The following AFF3 variants were observed in gnomAD, a reference collection of about 807,000 sequenced individuals.
The protein encoded by AFF3 is ALF transcription elongation factor 3, also known as AF4/FMR2 family member 3.
A neutral mutation model predicts 129.7 loss-of-function variants in AFF3; 32 were observed. The observed-to-expected ratio is 0.25, with a 90% confidence interval of 0.19 to 0.33. AFF3 has a LOEUF of 0.33. Among genes scored for constraint, AFF3 ranks in the 10% least tolerant of loss-of-function variants. The pLI is 1.00. For missense variants in AFF3, 1,373 were observed against 1,592.0 expected (o/e 0.86, Z 2.34); for synonymous variants, 644 against 635.4 (o/e 1.01, Z -0.20).
chr2:99,940,586 A>G (rs1022603249), intron 7 of AFF3, among the ~76,000 whole-genome samples: 16 of 152,196 alleles, frequency 1.1e-4, no homozygotes, highest in African/African-American at 3.6e-4. Context: ...ATGCCATGGC[A>G]ATGTCAGGAA....
chr2:100,107,650 T>A, intron 2 of AFF3: 1 of 364,820 alleles, frequency 2.7e-6, no homozygotes, highest in Non-Finnish European at 3.8e-6. Flanking sequence ...GGGAAGCTGC[T>A]AAATGAGAGG....
chr2:100,051,550 G>A (rs994983864), intron 4 of AFF3, among the ~76,000 whole-genome samples: 7 of 152,132 alleles, frequency 4.6e-5, no homozygotes, highest in African/African-American at 1.7e-4. Flanking sequence ...GATTAGACAG[G>A]AGCATCTTGC....
intron 7 of AFF3, among the ~76,000 whole-genome samples, chr2:99,979,167 T>C (rs1202386681): frequency 6.6e-6 from 1 of 152,144 alleles, no homozygotes; most frequent in Non-Finnish European, 1.5e-5. Context: ...TAAGTTGTTC[T>C]TGTATCGTGC....
At chr2:100,136,671 A>G (rs62150271) in intron 1 of AFF3, among the ~76,000 whole-genome samples, 1,644 of 152,190 alleles carry the variant, frequency 0.011, 14 homozygotes, top group Middle Eastern at 0.02. Flanking sequence ...CAAGTAGCAC[A>G]CTTCCTCTTT....
intron 4 of AFF3, among the ~76,000 whole-genome samples, chr2:100,020,209 G>A (rs1225015405): frequency 6.6e-6 from 1 of 151,936 alleles, no homozygotes; most frequent in Admixed American, 6.6e-5. Context: ...CCCTTGGCTA[G>A]CACTGCCCTT....
At chr2:99,783,059 C>T (rs1684523575) in intron 8 of AFF3, among the ~76,000 whole-genome samples, 1 of 152,148 alleles carries the variant, frequency 6.6e-6, no homozygotes, top group Non-Finnish European at 1.5e-5. Flanking sequence ...ATCTTTTCTT[C>T]GCATATCTTT....
intron 7 of AFF3, among the ~76,000 whole-genome samples, chr2:99,943,269 C>A (rs185982454): frequency 6.6e-6 from 1 of 152,284 alleles, no homozygotes; most frequent in Non-Finnish European, 1.5e-5. Flanking sequence ...TAAGCTGGTC[C>A]CATGCGAGGG....
intron 7 of AFF3, among the ~76,000 whole-genome samples, chr2:99,936,045 A>C (rs187677435): frequency 6.7e-6 from 1 of 148,892 alleles, no homozygotes; most frequent in East Asian, 1.9e-4. Context: ...TCAAACATAA[A>C]TCTTTAAAAA....
chr2:99,588,056 C>T (rs1678306117), intron 15 of AFF3, among the ~76,000 whole-genome samples: 1 of 151,630 alleles, frequency 6.6e-6, no homozygotes, highest in Non-Finnish European at 1.5e-5. Flanking sequence ...CAAGCAGAAG[C>T]TATTATCTCT....
At chr2:99,566,252 GT>G (rs61010874) in intron 19 of AFF3, among the ~76,000 whole-genome samples, 79 of 138,008 alleles carry the variant, frequency 5.7e-4, no homozygotes, top group Admixed American at 5.8e-4. Flanking sequence ...GGCCTCAATT[GT>G]TTTTTTTTTT....
chr2:99,568,958 G>T lies in AFF3; in HGVS notation c.2919-43C>A, dbSNP rs571310030. 4.0e-5 allele frequency: 62 copies of T among 1,545,348 alleles called. No homozygotes were observed. The South Asian group carries it at 6.6e-4, about 16-fold the overall frequency. ...TATTAAACGTCATTATGGCTTAAGT[G>T]CAACGTCTTTTTAAAATATTCCTTC... is the stretch of plus-strand genomic sequence containing the variant. On this transcript the variant is annotated intron_variant, in intron 18 of 24. Coordinates refer to ENST00000672756, the MANE Select transcript of AFF3 (RefSeq NM_001386135.1).
intron 13 of AFF3, among the ~76,000 whole-genome samples, chr2:99,643,952 G>T (rs1684454026): frequency 2.0e-5 from 3 of 152,218 alleles, no homozygotes; most frequent in South Asian, 4.1e-4. Flanking sequence ...TGTAAGCCTT[G>T]TGAGTCCTTT....
At chr2:99,976,981 G>T (rs1035391439) in intron 7 of AFF3, among the ~76,000 whole-genome samples, 1 of 152,102 alleles carries the variant, frequency 6.6e-6, no homozygotes, top group Non-Finnish European at 1.5e-5. Flanking sequence ...GAGGATGATT[G>T]CCAAAGAAAA....
intron 12 of AFF3, among the ~76,000 whole-genome samples, chr2:99,661,996 T>A (rs181565405): frequency 7.5e-4 from 114 of 152,164 alleles, no homozygotes; most frequent in African/African-American, 2.6e-3. Flanking sequence ...AAAAAATAGC[T>A]GGGCATGGTG....
intron 12 of AFF3, among the ~76,000 whole-genome samples, chr2:99,657,563 A>T (rs566766884): frequency 1.3e-5 from 2 of 152,356 alleles, no homozygotes; most frequent in South Asian, 4.1e-4. Context: ...GGGATGACAA[A>T]TACTACTGTT....
At chr2:99,767,283 C>G (rs533925933) in intron 8 of AFF3, among the ~76,000 whole-genome samples, 1 of 152,156 alleles carries the variant, frequency 6.6e-6, no homozygotes, top group Non-Finnish European at 1.5e-5. Flanking sequence ...GATCTATATT[C>G]GAACAGTTGC....
chr2:99,748,700 C>T (rs1681375888), intron 9 of AFF3, among the ~76,000 whole-genome samples: 1 of 152,106 alleles, frequency 6.6e-6, no homozygotes, highest in Admixed American at 6.5e-5. Context: ...TGTCATACTT[C>T]CATTACAGTA....
intron 12 of AFF3, among the ~76,000 whole-genome samples, chr2:99,653,220 G>GC (rs1685435911): frequency 6.6e-6 from 1 of 152,158 alleles, no homozygotes; most frequent in East Asian, 1.9e-4. Flanking sequence ...TTTTTGAACT[G>GC]CCCCAAAGAA....
intron 7 of AFF3, among the ~76,000 whole-genome samples, chr2:99,998,744 A>G (rs1365862304): frequency 1.3e-5 from 2 of 152,206 alleles, no homozygotes; most frequent in African/African-American, 4.8e-5. Flanking sequence ...TTATGAAACA[A>G]TGCAGCATTC....
Sources: allele counts gnomAD v4.1 joint callset (sites outside exome capture counted in the v4.1 genomes callset), GRCh38; gene constraint gnomAD v4.1.1; transcripts MANE v1.5; gene names NCBI Gene and HGNC (gene_info 2026-07-23, HGNC 2026-07-21).